Variants in FAF1 observed in about 807,000 individuals in gnomAD.
The protein encoded by FAF1 is Fas associated factor 1.
FAF1 carries 25 observed loss-of-function variants against 92.5 expected under a neutral mutation model. The ratio of observed to expected loss-of-function variants is 0.27; its 90% CI spans 0.20 to 0.38. The LOEUF is 0.38. Ranked by LOEUF, FAF1 falls within the 10% of genes least tolerant of loss-of-function variation. The pLI is 1.00. For missense variants in FAF1, 636 were observed against 793.3 expected (o/e 0.80, Z 2.38); for synonymous variants, 234 against 273.2 (o/e 0.86, Z 1.42).
At chr1:50,777,028 G>A (rs1379992427) in intron 4 of FAF1, among the ~76,000 whole-genome samples, 5 of 152,098 alleles carry the variant, frequency 3.3e-5, no homozygotes, top group Admixed American at 6.6e-5. Flanking sequence ...GGGAGACTGA[G>A]GTGGGGGGAT....
intron 7 of FAF1, among the ~76,000 whole-genome samples, chr1:50,702,664 A>G (rs1401184578): frequency 1.3e-5 from 2 of 152,110 alleles, no homozygotes; most frequent in Non-Finnish European, 2.9e-5. Context: ...GAAAACCCTC[A>G]ATAACTAACT....
intron 9 of FAF1, among the ~76,000 whole-genome samples, chr1:50,592,204 A>T (rs574221875): frequency 6.6e-6 from 1 of 150,812 alleles, no homozygotes; most frequent in East Asian, 2.0e-4. Context: ...ACTAGTACAT[A>T]GTGAGCATTC....
chr1:50,556,778 AG>A (rs1236272341), intron 13 of FAF1, among the ~76,000 whole-genome samples: 8 of 152,152 alleles, frequency 5.3e-5, no homozygotes, highest in Admixed American at 3.3e-4. Context: ...TTGAGGCTGC[AG>A]TAAGTTGAAA....
intron 6 of FAF1, among the ~76,000 whole-genome samples, chr1:50,714,572 C>A (rs1461328029): frequency 6.6e-6 from 1 of 151,944 alleles, no homozygotes; most frequent in Non-Finnish European, 1.5e-5. Flanking sequence ...CTTCATGAAC[C>A]CTCAGACGCT....
Position 50,959,763 on chromosome 1 carries a change from TC to T in FAF1, c.45+3del. The T allele has an allele frequency of 1.2e-6, 2 of 1,601,176 alleles. No homozygotes were observed. The highest frequency in any genetic ancestry group is 1.7e-6 in the Non-Finnish European group (2 of 1,173,256). ...TGGGAGGGGAAGAGGGCCAGATACT[TC>T]ACCTGAAAATCCGCCAGGATCATCT... On this transcript the variant is annotated splice_donor_region_variant and intron_variant, in intron 1 of 18. Transcript: ENST00000396153.
intron 13 of FAF1, among the ~76,000 whole-genome samples, chr1:50,548,785 G>A (rs968114293): frequency 5.3e-5 from 8 of 152,226 alleles, no homozygotes; most frequent in Admixed American, 2.0e-4. Context: ...TAATATATTA[G>A]AGAAATTAGG....
chr1:50,952,099 C>T (rs142280332), intron 1 of FAF1, among the ~76,000 whole-genome samples: 1 of 152,286 alleles, frequency 6.6e-6, no homozygotes, highest in East Asian at 1.9e-4. Context: ...CTCCCTCTCC[C>T]CTTTCTACGG....
At chr1:50,940,969 C>T (rs1332364430) in intron 1 of FAF1, among the ~76,000 whole-genome samples, 1 of 151,940 alleles carries the variant, frequency 6.6e-6, no homozygotes, top group African/African-American at 2.4e-5. Flanking sequence ...TTAAAAATCA[C>T]CTTTAAAGAA....
chr1:50,951,764 T>C (rs925289373), intron 1 of FAF1, among the ~76,000 whole-genome samples: 1 of 152,218 alleles, frequency 6.6e-6, no homozygotes, highest in Non-Finnish European at 1.5e-5. Context: ...TGAAAAAATA[T>C]GATGTTCCAT....
At chr1:50,557,866 G>A (rs761034669) in intron 13 of FAF1, among the ~76,000 whole-genome samples, 24 of 152,020 alleles carry the variant, frequency 1.6e-4, no homozygotes, top group South Asian at 1.5e-3. Flanking sequence ...CAAAATACAC[G>A]ATGGCATATA....
intron 1 of FAF1, among the ~76,000 whole-genome samples, chr1:50,905,367 C>T (rs1644828300): frequency 1.3e-5 from 2 of 152,252 alleles, no homozygotes; most frequent in African/African-American, 2.4e-5. Context: ...GTCTTTAAAG[C>T]ATCATGATTC....
chr1:50,447,316 G>A (rs539065486), intron 18 of FAF1, among the ~76,000 whole-genome samples: 4 of 151,954 alleles, frequency 2.6e-5, no homozygotes, highest in Non-Finnish European at 4.4e-5. Flanking sequence ...TAGTAGAGAC[G>A]GGGTTTCACC....
At chr1:50,589,272 C>T (rs1462077023) in intron 9 of FAF1, among the ~76,000 whole-genome samples, 1 of 152,050 alleles carries the variant, frequency 6.6e-6, no homozygotes, top group Non-Finnish European at 1.5e-5. Flanking sequence ...GCCAAAGAAC[C>T]CACAGGGGCA....
intron 15 of FAF1, among the ~76,000 whole-genome samples, chr1:50,534,104 A>G (rs1648335569): frequency 6.6e-6 from 1 of 152,186 alleles, no homozygotes. Context: ...TAATAGGGAT[A>G]CTAGCAGAAG....
chr1:50,950,698 C>G (rs1645207544), intron 1 of FAF1, among the ~76,000 whole-genome samples: 1 of 152,214 alleles, frequency 6.6e-6, no homozygotes, highest in African/African-American at 2.4e-5. Flanking sequence ...GGCTTCTGAA[C>G]ACCTGTGAAC....
At chr1:50,857,676 A>G (rs954533459) in intron 2 of FAF1, among the ~76,000 whole-genome samples, 7 of 151,850 alleles carry the variant, frequency 4.6e-5, no homozygotes, top group African/African-American at 1.7e-4. Context: ...ATTACGTGGG[A>G]AGATGAACCA....
chr1:50,793,818 G>A (rs1313801547), intron 3 of FAF1, among the ~76,000 whole-genome samples: 1 of 152,140 alleles, frequency 6.6e-6, no homozygotes, highest in African/African-American at 2.4e-5. Context: ...TGACAACATA[G>A]ATTGGTCCTG....
intron 8 of FAF1, among the ~76,000 whole-genome samples, chr1:50,621,619 C>T (rs948388979): frequency 6.6e-6 from 1 of 151,636 alleles, no homozygotes; most frequent in African/African-American, 2.4e-5. Context: ...TGGGTGGTCT[C>T]GAACTCCTGA....
At chr1:50,768,358 C>T (rs1363557005) in intron 4 of FAF1, among the ~76,000 whole-genome samples, 1 of 152,044 alleles carries the variant, frequency 6.6e-6, no homozygotes, top group Non-Finnish European at 1.5e-5. Flanking sequence ...GACTTCAACA[C>T]CCCACTGATA....
Sources: gnomAD v4.1 joint callset for allele counts (sites outside exome capture counted in the v4.1 genomes callset) on GRCh38, gnomAD v4.1.1 for gene constraint, MANE v1.5 for transcripts, NCBI Gene and HGNC (gene_info 2026-07-23, HGNC 2026-07-21) for gene names.